SLC16A10: variants seen among roughly 807,000 people sequenced by gnomAD.
SLC16A10 encodes solute carrier family 16 member 10.
Under a neutral mutation model 40.0 loss-of-function variants are expected in SLC16A10, and 27 were observed. The ratio of observed to expected loss-of-function variants is 0.67; its 90% CI spans 0.50 to 0.93. SLC16A10 has a LOEUF of 0.93. Ranked by LOEUF, SLC16A10 falls within the 40% of genes least tolerant of loss-of-function variation. The pLI, the probability that SLC16A10 is intolerant of heterozygous loss-of-function variation, is 0.00. For missense variants in SLC16A10, 529 were observed against 658.2 expected (o/e 0.80, Z 2.15); for synonymous variants, 213 against 249.8 (o/e 0.85, Z 1.39).
At chr6:111,178,151 A>G (rs926317570) in intron 3 of SLC16A10, among the ~76,000 whole-genome samples, 5 of 152,252 alleles carry the variant, frequency 3.3e-5, no homozygotes, top group South Asian at 2.1e-4. Flanking sequence ...AGCTAGCGCT[A>G]TGATTTTGCT....
At chr6:111,195,973 A>C (rs1176370615) in intron 3 of SLC16A10, among the ~76,000 whole-genome samples, 1 of 152,060 alleles carries the variant, frequency 6.6e-6, no homozygotes, top group Admixed American at 6.6e-5. Context: ...GGATTCAACC[A>C]ACCATGGATT....
In SLC16A10 at chr6:111,218,884, T is replaced by C. The variant is rs1770832764; in HGVS notation, c.1157T>C (p.Ile386Thr). The C allele has an allele frequency of 2.5e-6, 4 of 1,614,148 alleles. No individual in the cohort carries two copies. Among genetic ancestry groups the C allele is most frequent in the Non-Finnish European group, 3.4e-6 (4 of 1,180,030 alleles). ...IPLCSIFGALIAVCLIMGLFD... is the reference protein window; with the variant it reads ...IPLCSIFGALTAVCLIMGLFD... ...CTGTGTAGCATCTTTGGGGCCCTCA[T>C]TGCTGTGTGCCTCATCATGGGTCTC... Residue 386 changes from isoleucine to threonine, a missense_variant, in exon 5 of 6, where the codon ATT (isoleucine) becomes ACT (threonine). Transcript: ENST00000368851.
chr6:111,173,048 C>G (rs926858247), intron 2 of SLC16A10, among the ~76,000 whole-genome samples: 6 of 152,084 alleles, frequency 3.9e-5, no homozygotes, highest in African/African-American at 1.4e-4. Context: ...ATGCCTAAGA[C>G]TTAGACATCA....
chr6:111,123,002 T>C (rs552376488), intron 1 of SLC16A10, among the ~76,000 whole-genome samples: 13 of 152,216 alleles, frequency 8.5e-5, no homozygotes, highest in African/African-American at 2.2e-4. Context: ...CTGTTCATGG[T>C]ATATTTTTAC....
chr6:111,193,482 C>G (rs530843236), intron 3 of SLC16A10, among the ~76,000 whole-genome samples: 1 of 152,108 alleles, frequency 6.6e-6, no homozygotes, highest in Non-Finnish European at 1.5e-5. Flanking sequence ...TCAAAACAAG[C>G]TTGTTTTTTC....
chr6:111,110,435 T>C (rs73528982), intron 1 of SLC16A10, among the ~76,000 whole-genome samples: 1 of 150,260 alleles, frequency 6.7e-6, no homozygotes, highest in Non-Finnish European at 1.5e-5. Flanking sequence ...TTACTAAAGG[T>C]CTAATTGATG....
chr6:111,218,837 T>C lies in SLC16A10; in HGVS notation c.1110T>C (p.Gly370=), dbSNP rs779908886. 3 of 1,614,074 alleles carry C rather than the reference T, an allele frequency of 1.9e-6. No homozygotes were observed. The change falls in exon 5 of 6, where the codon GGT becomes GGC. Residue 370 remains glycine, a synonymous_variant. Coordinates refer to ENST00000368851, the MANE Select transcript of SLC16A10 (RefSeq NM_018593.5). ...AGGTACTCTCCTTTTTCTTCATTGG[T>C]CTGATGTCCATGATGATTCCTCTGT... is the stretch of plus-strand genomic sequence containing the variant. ...YLQVLSFFFI[G]LMSMMIPLCS...
intron 1 of SLC16A10, among the ~76,000 whole-genome samples, chr6:111,114,407 C>CATCT (rs1263965344): frequency 6.6e-6 from 1 of 152,122 alleles, no homozygotes; most frequent in Non-Finnish European, 1.5e-5. Flanking sequence ...TATACTGATG[C>CATCT]TAAGATGCAC....
intron 1 of SLC16A10, among the ~76,000 whole-genome samples, chr6:111,141,584 C>T (rs779404083): frequency 1.3e-4 from 20 of 152,078 alleles, no homozygotes; most frequent in Non-Finnish European, 2.2e-4. Context: ...ATCACTTGAA[C>T]CAGGGAGGCA....
intron 1 of SLC16A10, among the ~76,000 whole-genome samples, chr6:111,168,204 T>C (rs938908743): frequency 1.3e-5 from 2 of 152,154 alleles, no homozygotes; most frequent in Non-Finnish European, 2.9e-5. Flanking sequence ...GGTCTCGAAC[T>C]CCTGACCTCA....
chr6:111,165,808 T>G (rs1326596768), intron 1 of SLC16A10, among the ~76,000 whole-genome samples: 1 of 152,192 alleles, frequency 6.6e-6, no homozygotes, highest in Non-Finnish European at 1.5e-5. Context: ...ATGATAAAAG[T>G]CACACAGATA....
At chr6:111,128,720 A>T (rs1263563078) in intron 1 of SLC16A10, among the ~76,000 whole-genome samples, 1 of 152,104 alleles carries the variant, frequency 6.6e-6, no homozygotes, top group Non-Finnish European at 1.5e-5. Context: ...GGGGCTTGCC[A>T]GTGACAGATT....
At chr6:111,120,125 C>T (rs1771558270) in intron 1 of SLC16A10, among the ~76,000 whole-genome samples, 1 of 152,216 alleles carries the variant, frequency 6.6e-6, no homozygotes, top group African/African-American at 2.4e-5. Context: ...CATTGCAGAA[C>T]CACACTGACA....
rs1204183849 is a variant in SLC16A10 at position 111,088,066 on chromosome 6, A to G, written c.314A>G (p.Lys105Arg). The G allele has an allele frequency of 5.6e-6, 9 of 1,607,600 alleles. No individual in the cohort carries two copies. Among genetic ancestry groups the G allele is most frequent in the Non-Finnish European group, 7.6e-6 (9 of 1,177,342 alleles). Residue 105 changes from lysine to arginine, a missense_variant, in exon 1 of 6, where the codon AAA (lysine) becomes AGA (arginine). Coordinates refer to ENST00000368851, the MANE Select transcript of SLC16A10 (RefSeq NM_018593.5). ...TCCATGCTGGAAACCTTCGGCTCCAAAGACGATGACAAGATGGTCTTTAAG... is the reference window on the plus strand; with the variant it reads ...TCCATGCTGGAAACCTTCGGCTCCAGAGACGATGACAAGATGGTCTTTAAG... ...FVSMLETFGS[K>R]DDDKMVFKTA...
intron 1 of SLC16A10, among the ~76,000 whole-genome samples, chr6:111,121,954 C>G (rs1195416055): frequency 1.3e-5 from 2 of 152,226 alleles, no homozygotes; most frequent in Non-Finnish European, 2.9e-5. Context: ...AGGATGGGCT[C>G]TCAGCAGCTG....
Position 111,220,634 on chromosome 6 carries a change from A to G in SLC16A10, c.1316-1369A>G, listed in dbSNP as rs75738676. 4.9e-4 allele frequency among the ~76,000 whole-genome samples: 75 copies of G among 152,264 alleles called. 1 individual carries two copies. In the East Asian group the frequency reaches 0.014, roughly 28 times the overall value. On this transcript the variant is annotated intron_variant, in intron 5 of 5. Transcript: ENST00000368851. ...AAGGTCATGGTCTCCTTATAGGAGA[A>G]CCCTCCATTCCTTCTTCTCTCCCGC...
intron 3 of SLC16A10, among the ~76,000 whole-genome samples, chr6:111,195,262 A>G (rs354541): frequency 0.77 from 116,999 of 152,124 alleles, 45,789 homozygotes; most frequent in Non-Finnish European, 0.85. Context: ...ATTACACCAA[A>G]TGAAATACTC....
At chr6:111,199,760 T>A (rs1283625302) in intron 3 of SLC16A10, among the ~76,000 whole-genome samples, 1 of 151,818 alleles carries the variant, frequency 6.6e-6, no homozygotes, top group Non-Finnish European at 1.5e-5. Flanking sequence ...TAAATCTTGA[T>A]CTTATCTAAA....
chr6:111,129,925 G>A (rs1771751036), intron 1 of SLC16A10, among the ~76,000 whole-genome samples: 2 of 152,226 alleles, frequency 1.3e-5, no homozygotes, highest in South Asian at 4.2e-4. Flanking sequence ...TTGACACATT[G>A]TGTTTAGTCT....
Sources: allele counts gnomAD v4.1 joint callset (sites outside exome capture counted in the v4.1 genomes callset), GRCh38; gene constraint gnomAD v4.1.1; transcripts MANE v1.5; gene names NCBI Gene and HGNC (gene_info 2026-07-23, HGNC 2026-07-21).